The following GALNT13 variants were observed in gnomAD, a reference collection of about 807,000 sequenced individuals.
GALNT13 encodes UDP-GalNAc:polypeptide N-acetylgalactosaminyltransferase 13.
Under a neutral mutation model 64.2 loss-of-function variants are expected in GALNT13, and 28 were observed. That is an observed-to-expected ratio of 0.44 (90% CI 0.32 to 0.60). The LOEUF (loss-of-function observed/expected upper bound fraction) is 0.60, where lower values mean the gene tolerates loss of function less well. Among genes scored for constraint, GALNT13 ranks in the 20% least tolerant of loss-of-function variants. The pLI is 0.05. For missense variants in GALNT13, 577 were observed against 669.8 expected, an observed-to-expected ratio of 0.86 and a Z score of 1.53; for synonymous variants, 214 against 224.6, an observed-to-expected ratio of 0.95 and a Z score of 0.42.
the GALNT13 span, chr2:153,478,188 G>T: frequency 6.7e-7 from 1 of 1,489,330 alleles, no homozygotes; most frequent in Non-Finnish European, 9.2e-7. Context: ...AGCCGGGCTA[G>T]CAAAGTGGGC....
chr2:153,813,127 A>G, the GALNT13 span, among the ~76,000 whole-genome samples: 1 of 152,146 alleles, frequency 6.6e-6, no homozygotes, highest in Admixed American at 6.5e-5. Context: ...TTGAGACTGT[A>G]TATGAGTTTT....
At chr2:154,054,740 A>G (rs1231717390) in intron 3 of GALNT13, among the ~76,000 whole-genome samples, 1 of 152,012 alleles carries the variant, frequency 6.6e-6, no homozygotes, top group African/African-American at 2.4e-5. Flanking sequence ...TCTAGTGGCC[A>G]AAAGAGCAAC....
At chr2:154,347,457 TTTTC>T (rs1696134655) in intron 9 of GALNT13, among the ~76,000 whole-genome samples, 2 of 152,266 alleles carry the variant, frequency 1.3e-5, no homozygotes, top group South Asian at 4.1e-4. Flanking sequence ...TCTCTAAATT[TTTTC>T]TTTATTTTGT....
intron 2 of GALNT13, among the ~76,000 whole-genome samples, chr2:153,905,448 A>G (rs1040404004): frequency 1.2e-4 from 19 of 152,124 alleles, no homozygotes; most frequent in Non-Finnish European, 1.8e-4. Context: ...AACAACAACT[A>G]ATAATAAAAT....
At chr2:153,767,596 A>C in the GALNT13 span, among the ~76,000 whole-genome samples, 1 of 152,156 alleles carries the variant, frequency 6.6e-6, no homozygotes, top group Non-Finnish European at 1.5e-5. Flanking sequence ...TTTACTCCAC[A>C]TCCATAACAA....
chr2:153,230,595 C>A, the GALNT13 span, among the ~76,000 whole-genome samples: 1 of 152,142 alleles, frequency 6.6e-6, no homozygotes, highest in African/African-American at 2.4e-5. Flanking sequence ...AGAAAGCAGT[C>A]AGATACTCAG....
At chr2:153,617,000 C>T in the GALNT13 span, among the ~76,000 whole-genome samples, 2 of 151,884 alleles carry the variant, frequency 1.3e-5, no homozygotes, top group African/African-American at 4.8e-5. Flanking sequence ...CGATAATGGC[C>T]AAAGACTTCA....
chr2:153,920,515 A>G (rs914048923), intron 2 of GALNT13, among the ~76,000 whole-genome samples: 1 of 152,150 alleles, frequency 6.6e-6, no homozygotes, highest in Non-Finnish European at 1.5e-5. Flanking sequence ...TATAAGACCC[A>G]AAACTGTAAA....
At chr2:153,096,947 T>G in the GALNT13 span, among the ~76,000 whole-genome samples, 3 of 152,154 alleles carry the variant, frequency 2.0e-5, no homozygotes, top group African/African-American at 7.2e-5. Context: ...TTTTCCTTCT[T>G]TCATTTATTC....
chr2:153,671,338 C>G, the GALNT13 span, among the ~76,000 whole-genome samples: 30 of 152,288 alleles, frequency 2.0e-4, no homozygotes, highest in African/African-American at 6.0e-4. Context: ...GCTCGTCAGA[C>G]TAACAGTGGA....
chr2:153,467,609 T>C, the GALNT13 span, among the ~76,000 whole-genome samples: 1 of 152,198 alleles, frequency 6.6e-6, no homozygotes, highest in East Asian at 1.9e-4. Flanking sequence ...ATTTTCTTTT[T>C]CATGGGAATG....
the GALNT13 span, among the ~76,000 whole-genome samples, chr2:153,482,501 G>A: frequency 3.0e-3 from 452 of 152,114 alleles, 1 homozygote; most frequent in African/African-American, 0.01. Context: ...ATGGTGTCTC[G>A]CTCTGTTGCC....
chr2:153,544,153 G>GT, the GALNT13 span, among the ~76,000 whole-genome samples: 2 of 152,172 alleles, frequency 1.3e-5, no homozygotes, highest in Non-Finnish European at 2.9e-5. Flanking sequence ...ATACAGAAAT[G>GT]TATGATTTCT....
chr2:153,144,443 C>A, the GALNT13 span, among the ~76,000 whole-genome samples: 1 of 151,866 alleles, frequency 6.6e-6, no homozygotes, highest in African/African-American at 2.4e-5. Context: ...TCTTCTTGGG[C>A]TCTAAATAAT....
the GALNT13 span, among the ~76,000 whole-genome samples, chr2:153,245,920 G>A: frequency 9.4e-4 from 143 of 152,096 alleles, 1 homozygote; most frequent in African/African-American, 3.3e-3. Flanking sequence ...TACAGGAAAT[G>A]CTAACTAGAA....
chr2:154,358,738 G>A (rs190150434), intron 9 of GALNT13, among the ~76,000 whole-genome samples: 4 of 151,766 alleles, frequency 2.6e-5, no homozygotes, highest in African/African-American at 9.7e-5. Context: ...CATTTTCTTT[G>A]CATCATTCCA....
chr2:153,497,032 ATG>A, the GALNT13 span, among the ~76,000 whole-genome samples: 2 of 151,634 alleles, frequency 1.3e-5, no homozygotes, highest in African/African-American at 4.8e-5. Flanking sequence ...AAAAAAAAGA[ATG>A]TATCTCTCAT....
At chr2:153,537,722 G>A in the GALNT13 span, among the ~76,000 whole-genome samples, 1 of 152,096 alleles carries the variant, frequency 6.6e-6, no homozygotes, top group Non-Finnish European at 1.5e-5. Context: ...GGATTCTCAC[G>A]AGATCTGATG....
chr2:154,335,962 G>T (rs935387785), intron 9 of GALNT13, among the ~76,000 whole-genome samples: 2 of 151,742 alleles, frequency 1.3e-5, no homozygotes, highest in Non-Finnish European at 1.5e-5. Flanking sequence ...TACACCTTAG[G>T]TATTTACTTG....
Sources: allele counts gnomAD v4.1 joint callset (sites outside exome capture counted in the v4.1 genomes callset), GRCh38; gene constraint gnomAD v4.1.1; transcripts MANE v1.5; gene names NCBI Gene and HGNC (gene_info 2026-07-23, HGNC 2026-07-21).